FERMT3: variants seen among roughly 807,000 people sequenced by gnomAD.
The protein encoded by FERMT3 is FERM domain containing kindlin 3, also known as fermitin family homolog 3.
In FERMT3, 33 loss-of-function variants were observed where a neutral mutation model predicts 80.8. That is an observed-to-expected ratio of 0.41 (90% confidence interval 0.31 to 0.55). The LOEUF is 0.55. Among genes scored for constraint, FERMT3 ranks in the 20% least tolerant of loss-of-function variants. FERMT3 has a pLI of 0.31. For missense variants in FERMT3, 754 were observed against 908.7 expected (o/e 0.83, Z 2.19); for synonymous variants, 375 against 372.2 (o/e 1.01, Z -0.09).
At chr11:64,217,489 C>T (rs1213005799) in intron 6 of FERMT3, among the ~76,000 whole-genome samples, 2 of 152,012 alleles carry the variant, frequency 1.3e-5, no homozygotes, top group Non-Finnish European at 2.9e-5. Context: ...GCGGAGGTTG[C>T]GGTGAGCCAA....
chr11:64,216,080 C>T (rs1172285797), intron 6 of FERMT3, among the ~76,000 whole-genome samples: 2 of 151,984 alleles, frequency 1.3e-5, no homozygotes, highest in East Asian at 3.9e-4. Context: ...GATCCGCCCG[C>T]CTCGGCCTCC....
intron 1 of FERMT3, among the ~76,000 whole-genome samples, 192 bp from the exon 2 acceptor site, chr11:64,207,159 T>TC (rs1281260038): frequency 6.6e-6 from 1 of 152,166 alleles, no homozygotes; most frequent in African/African-American, 2.4e-5. Flanking sequence ...CTGAGGGCCC[T>TC]CGCGGCTCAA....
At chr11:64,216,392 G>T (rs1224890835) in intron 6 of FERMT3, among the ~76,000 whole-genome samples, 2 of 149,592 alleles carry the variant, frequency 1.3e-5, no homozygotes, top group African/African-American at 2.5e-5. Context: ...GTAGAGACGG[G>T]GTTTCACCAC....
intron 12 of FERMT3, 138 bp from the exon 13 acceptor site, chr11:64,220,878 T>A (rs1591040788): frequency 1.1e-5 from 16 of 1,495,854 alleles, no homozygotes; most frequent in Non-Finnish European, 1.4e-5. Context: ...GCAGTGCAGA[T>A]CTGCACCTTG....
At position 64,219,975 on chromosome 11, in the gene FERMT3, C is replaced by A. The variant is rs1021274000; in HGVS notation, c.1164C>A (p.Asp388Glu). The change falls in exon 10 of 15, where the codon GAC (aspartate) becomes GAA (glutamate). Residue 388 changes from aspartate to glutamate, a missense_variant. Physicochemically the swap from Asp to Glu is conservative, Grantham distance 45. Transcript: ENST00000345728. The surrounding 1 kb of genome is among the most constrained non-coding windows in gnomAD (Gnocchi z 4.0). ...CACTGTCCTACTACAAGAGCCAGGA[C>A]GAGGCCCCTGGGGACCCCATTCAGC... is the stretch of plus-strand genomic sequence containing the variant. ...ETTLSYYKSQ[D>E]EAPGDPIQQL... is the part of the protein sequence containing the mutation. 1 of 1,613,616 alleles carries A rather than the reference C, an allele frequency of 6.2e-7. No individual in the cohort carries two copies.
intron 6 of FERMT3, among the ~76,000 whole-genome samples, chr11:64,216,283 G>GC (rs1203943837): frequency 1.4e-5 from 2 of 146,802 alleles, no homozygotes; most frequent in African/African-American, 2.5e-5. Flanking sequence ...TGCAACCTCT[G>GC]CCCCCCTGGT....
intron 13 of FERMT3, 85 bp from the exon 14 acceptor site, chr11:64,222,963 C>G: frequency 6.3e-7 from 1 of 1,577,554 alleles, no homozygotes; most frequent in Non-Finnish European, 8.7e-7. Flanking sequence ...GAAGGGCTGG[C>G]TCTCCAGCAC....
Position 64,211,491 on chromosome 11 carries a change from A to G in FERMT3, c.683+48A>G. On this transcript the variant is annotated intron_variant, in intron 5 of 14. Coordinates refer to ENST00000345728, the MANE Select transcript of FERMT3 (RefSeq NM_031471.6). This position sits in a 1 kb window ranked among gnomAD's most constrained non-coding sequence, Gnocchi z 4.7. Reference sequence around the variant, plus strand: ...CTGTGTCAGGGCTCCCCCACCCAGGATCCACCCCCTGTCCCGTGTCTGTGC... The same window carrying G: ...CTGTGTCAGGGCTCCCCCACCCAGGGTCCACCCCCTGTCCCGTGTCTGTGC... 1 of 1,529,378 alleles carries G rather than the reference A, an allele frequency of 6.5e-7. No individual in the cohort carries two copies. Among genetic ancestry groups the G allele is most frequent in the Non-Finnish European group, 8.8e-7 (1 of 1,138,614 alleles). 94.7% of individuals were successfully genotyped at this position (1,529,378 alleles called of 1,614,324 possible).
At position 64,220,266 on chromosome 11, in the gene FERMT3, C is replaced by T. The variant is rs374519761; in HGVS notation, c.1251C>T (p.Cys417=). The T allele has an allele frequency of 2.3e-5, 37 of 1,613,866 alleles. No individual in the cohort carries two copies. The African/African-American group carries it at 4.7e-4, about 20-fold the overall frequency. ...PDVNVSGQKF[C]IKLLVPSPEG... ...TTAACGTCTCCGGCCAGAAGTTCTG[C>T]ATTAAACTCCTAGTGCCCTCCCCTG... Residue 417 remains cysteine, a synonymous_variant, in exon 11 of 15, where the codon TGC becomes TGT. Transcript: ENST00000345728.
intron 13 of FERMT3, among the ~76,000 whole-genome samples, chr11:64,222,031 G>C (rs1241758535): frequency 6.6e-6 from 1 of 152,018 alleles, no homozygotes; most frequent in Non-Finnish European, 1.5e-5. Context: ...TTGAGGTCAG[G>C]AGTGTGAGAC....
intron 2 of FERMT3, chr11:64,207,829 T>G: frequency 6.5e-6 from 2 of 309,270 alleles, no homozygotes; most frequent in Admixed American, 4.7e-5. Flanking sequence ...TGAAGTCACA[T>G]TGCTGAGGTC....
chr11:64,219,127 A>G lies in FERMT3; in HGVS notation c.787-124A>G. 1 of 889,104 alleles carries G rather than the reference A, an allele frequency of 1.1e-6. No homozygotes were observed. The highest frequency in any genetic ancestry group is 2.6e-5 in the East Asian group (1 of 37,744). The allele number at this position is 889,104 out of a possible 1,614,324, so 55.1% of individuals were successfully genotyped here. On this transcript the variant is annotated intron_variant, in intron 6 of 14. Coordinates refer to ENST00000345728, the MANE Select transcript of FERMT3 (RefSeq NM_031471.6). This position sits in a 1 kb window ranked among gnomAD's most constrained non-coding sequence, Gnocchi z 4.0. ...TCTGTGGCCCATGTCTGGCCACTGA[A>G]TGAATCTGCCTCAGCAAGGAGGGCA...
chr11:64,213,896 A>T (rs1354239687), intron 6 of FERMT3, among the ~76,000 whole-genome samples: 1 of 152,052 alleles, frequency 6.6e-6, no homozygotes, highest in African/African-American at 2.4e-5. Flanking sequence ...TTTCTTCTCT[A>T]TGACATATTT....
In FERMT3 at chr11:64,211,099, AAGG is replaced by A; in HGVS notation, c.445_447del (p.Glu149del). ...GTCCCTGCTCCGGGCTCCTGAGAAG[AAGG>A]AGAAGAAGAAGAAAGAGAAGGAGCC... On this transcript the variant is annotated inframe_deletion, in exon 4 of 15. Transcript: ENST00000345728. This position sits in a 1 kb window ranked among gnomAD's most constrained non-coding sequence, Gnocchi z 4.7. 1.9e-6 allele frequency: 3 copies of A among 1,572,216 alleles called. No homozygotes were observed. Among genetic ancestry groups the A allele is most frequent in the Non-Finnish European group, 1.7e-6 (2 of 1,158,324 alleles).
In FERMT3 at chr11:64,219,941, AG is replaced by A; in HGVS notation, c.1132del (p.Glu378ArgfsTer44). ...TACCGCCAACACTGGGTGGTGTTCAAGGAGACCACACTGTCCTACTACAAGA... is the reference window on the plus strand; with the variant it reads ...TACCGCCAACACTGGGTGGTGTTCAAGAGACCACACTGTCCTACTACAAGA... Reference protein sequence around the residue: ...KGYRQHWVVFKETTLSYYKSQ... With the variant: ...KGYRQHWVVFXETTLSYYKSQ... On this transcript the variant is annotated frameshift_variant, in exon 10 of 15. Transcript: ENST00000345728. LOFTEE classifies it high-confidence loss of function. This position sits in a 1 kb window ranked among gnomAD's most constrained non-coding sequence, Gnocchi z 4.0. 1 of 1,613,882 alleles carries A rather than the reference AG, an allele frequency of 6.2e-7. No homozygotes were observed. The highest frequency in any genetic ancestry group is 8.5e-7 in the Non-Finnish European group (1 of 1,179,992).
At chr11:64,222,838 T>C (rs1465625299) in intron 13 of FERMT3, among the ~76,000 whole-genome samples, 1 of 152,248 alleles carries the variant, frequency 6.6e-6, no homozygotes, top group East Asian at 1.9e-4. Context: ...CCGATGCTGC[T>C]AAATGCTGTT....
At position 64,211,586 on chromosome 11, in the gene FERMT3, C is replaced by G. The variant is rs907784776; in HGVS notation, c.684-59C>G. 1.9e-6 allele frequency: 3 copies of G among 1,573,110 alleles called. No homozygotes were observed. The Admixed American group carries it at 5.3e-5, about 28-fold the overall frequency. On this transcript the variant is annotated intron_variant, in intron 5 of 14. Transcript: ENST00000345728. The surrounding 1 kb of genome is among the most constrained non-coding windows in gnomAD (Gnocchi z 4.7). ...TGCTTGTCCCCCCAGCCCAGCCCCC[C>G]TCCCCACCCCACGGCCGTACCTGGC...
chr11:64,207,623 T>C, intron 2 of FERMT3, 99 bp downstream of exon 2: 1 of 1,422,220 alleles, frequency 7.0e-7, no homozygotes, highest in Non-Finnish European at 9.5e-7. Context: ...CAGCTCCCGA[T>C]AATGGTGTCA....
In FERMT3 at chr11:64,211,324, C is replaced by T. The variant is rs1416584001; in HGVS notation, c.564C>T (p.Ser188=). 3.7e-6 allele frequency: 6 copies of T among 1,613,142 alleles called. No homozygotes were observed. The highest frequency in any genetic ancestry group is 5.1e-6 in the Non-Finnish European group (6 of 1,179,846). The part of the protein sequence containing the change: ...FRGMPAHFSD[S]AQTEACYHML... ...GGATGCCAGCTCACTTCTCGGACAGCGCCCAGACTGAGGCCTGCTACCACA... is the reference window on the plus strand; with the variant it reads ...GGATGCCAGCTCACTTCTCGGACAGTGCCCAGACTGAGGCCTGCTACCACA... The change falls in exon 5 of 15, where the codon AGC becomes AGT. Residue 188 remains serine (S), a synonymous_variant. Transcript: ENST00000345728. This position sits in a 1 kb window ranked among gnomAD's most constrained non-coding sequence, Gnocchi z 4.7.
Sources: allele counts gnomAD v4.1 joint callset (sites outside exome capture counted in the v4.1 genomes callset), GRCh38; gene constraint gnomAD v4.1.1; non-coding constraint Gnocchi (gnomAD v3.1); transcripts MANE v1.5; gene names NCBI Gene and HGNC (gene_info 2026-07-23, HGNC 2026-07-21).